The following SLC38A6 variants were observed in gnomAD, a reference collection of about 807,000 sequenced individuals.
The protein encoded by SLC38A6 is solute carrier family 38 member 6.
In SLC38A6, 73 loss-of-function variants were observed where a neutral mutation model predicts 65.0. That is an observed-to-expected ratio of 1.12 (90% CI 0.93 to 1.37). SLC38A6 has a LOEUF of 1.37. Among genes scored for constraint, SLC38A6 ranks in the 40% most tolerant of loss-of-function variants. The pLI is 0.00. For missense variants in SLC38A6, 561 were observed against 531.1 expected (o/e 1.06, Z -0.55); for synonymous variants, 183 against 178.8 (o/e 1.02, Z -0.19).
intron 5 of SLC38A6, among the ~76,000 whole-genome samples, chr14:61,024,794 C>G (rs2040522161): frequency 6.6e-6 from 1 of 152,184 alleles, no homozygotes; most frequent in Admixed American, 6.5e-5. Flanking sequence ...TTAACTCTTA[C>G]AAGCACATGA....
At chr14:61,012,572 T>C (rs139169242) in intron 3 of SLC38A6, among the ~76,000 whole-genome samples, 6,671 of 152,306 alleles carry the variant, frequency 0.044, 224 homozygotes, top group African/African-American at 0.091. Context: ...CCAGAGATTC[T>C]GGTATGTTGT....
At chr14:61,039,611 T>A (rs2041654186) in intron 8 of SLC38A6, among the ~76,000 whole-genome samples, 1 of 150,966 alleles carries the variant, frequency 6.6e-6, no homozygotes, top group Non-Finnish European at 1.5e-5. Flanking sequence ...CCTCAAGTGA[T>A]CCACCCACCT....
chr14:61,063,823 C>A (rs1310141759), intron 15 of SLC38A6, among the ~76,000 whole-genome samples: 1 of 152,150 alleles, frequency 6.6e-6, no homozygotes, highest in East Asian at 1.9e-4. Context: ...CTATAAGCCT[C>A]CATGTTCACA....
chr14:60,995,164 A>C (rs745860713), intron 3 of SLC38A6, among the ~76,000 whole-genome samples: 2 of 152,236 alleles, frequency 1.3e-5, no homozygotes, highest in Non-Finnish European at 2.9e-5. Context: ...TACCTTGTAG[A>C]GATATCTATG....
At chr14:61,045,903 G>T (rs2042116246) in intron 11 of SLC38A6, among the ~76,000 whole-genome samples, 164 bp from the exon 12 acceptor site, 1 of 151,622 alleles carries the variant, frequency 6.6e-6, no homozygotes, top group African/African-American at 2.4e-5. Context: ...AAAAAAGGAA[G>T]AAGTGTAATC....
chr14:61,003,532 C>T (rs1019996758), intron 3 of SLC38A6, among the ~76,000 whole-genome samples: 1 of 152,134 alleles, frequency 6.6e-6, no homozygotes, highest in African/African-American at 2.4e-5. Context: ...TTTAAAGGTT[C>T]ATTGTTCAAA....
intron 15 of SLC38A6, among the ~76,000 whole-genome samples, chr14:61,067,086 C>T (rs2043045276): frequency 6.6e-6 from 1 of 152,110 alleles, no homozygotes; most frequent in Admixed American, 6.6e-5. Flanking sequence ...AAAAATTATA[C>T]ATGTATTTTT....
chr14:61,070,675 A>G (rs765426772), intron 15 of SLC38A6, among the ~76,000 whole-genome samples: 1 of 152,198 alleles, frequency 6.6e-6, no homozygotes, highest in African/African-American at 2.4e-5. Context: ...TGTTTCTATC[A>G]GCAGTGCACG....
At chr14:61,014,314 T>C (rs1219093435) in intron 3 of SLC38A6, among the ~76,000 whole-genome samples, 1 of 152,202 alleles carries the variant, frequency 6.6e-6, no homozygotes, top group Non-Finnish European at 1.5e-5. Flanking sequence ...TTTAACTTCT[T>C]TGCCATGGGT....
At chr14:61,027,971 A>G (rs1391179129) in intron 5 of SLC38A6, among the ~76,000 whole-genome samples, 1 of 151,820 alleles carries the variant, frequency 6.6e-6, no homozygotes, top group Non-Finnish European at 1.5e-5. Context: ...GTCTTCTTTG[A>G]GAGAGAAACA....
At chr14:61,041,217 C>G (rs748671270) in intron 8 of SLC38A6, among the ~76,000 whole-genome samples, 23 of 152,292 alleles carry the variant, frequency 1.5e-4, no homozygotes, top group Non-Finnish European at 2.9e-5. Context: ...GCAAGGACTT[C>G]CTGTTAATCT....
chr14:61,017,689 G>A (rs2040102492), intron 4 of SLC38A6, among the ~76,000 whole-genome samples: 1 of 152,182 alleles, frequency 6.6e-6, no homozygotes, highest in Admixed American at 6.5e-5. Flanking sequence ...TAGCAGCAAA[G>A]TTTAAAGAGT....
chr14:61,053,758 T>C (rs1318129123), downstream of SLC38A6, among the ~76,000 whole-genome samples: 1 of 152,190 alleles, frequency 6.6e-6, no homozygotes, highest in Admixed American at 6.5e-5. Context: ...GTAAATTTGT[T>C]CAAGTTCCTC....
chr14:61,024,140 C>A (rs1263290992), intron 5 of SLC38A6, among the ~76,000 whole-genome samples: 3 of 152,124 alleles, frequency 2.0e-5, no homozygotes, highest in Non-Finnish European at 4.4e-5. Context: ...CAAGATTAAT[C>A]AGGCACCAAG....
chr14:60,989,012 T>C (rs1052983386), intron 3 of SLC38A6, among the ~76,000 whole-genome samples: 3 of 152,232 alleles, frequency 2.0e-5, no homozygotes, highest in African/African-American at 7.2e-5. Context: ...TCATCTGCTA[T>C]CTAGGAGATT....
intron 3 of SLC38A6, among the ~76,000 whole-genome samples, chr14:61,015,002 A>C (rs1034425903): frequency 4.6e-5 from 7 of 152,220 alleles, no homozygotes; most frequent in African/African-American, 1.7e-4. Flanking sequence ...AGAGGCACGC[A>C]GGGCTCCTTG....
intron 16 of SLC38A6, among the ~76,000 whole-genome samples, chr14:61,080,750 C>T (rs746583733): frequency 1.6e-4 from 25 of 152,204 alleles, no homozygotes; most frequent in African/African-American, 5.5e-4. Flanking sequence ...AGCTGCTGCA[C>T]CGGGCCCTGG....
At chr14:61,013,886 A>G (rs1174872814) in intron 3 of SLC38A6, among the ~76,000 whole-genome samples, 2 of 152,078 alleles carry the variant, frequency 1.3e-5, no homozygotes, top group Non-Finnish European at 2.9e-5. Context: ...CTCGTGGAGT[A>G]TGTTAGTGGC....
intron 3 of SLC38A6, among the ~76,000 whole-genome samples, chr14:61,015,627 G>A (rs1232502095): frequency 1.3e-5 from 2 of 152,132 alleles, no homozygotes; most frequent in Non-Finnish European, 2.9e-5. Context: ...GAAAATCATA[G>A]GTATTGTGGC....
Sources: gnomAD v4.1 joint callset for allele counts (sites outside exome capture counted in the v4.1 genomes callset) on GRCh38, gnomAD v4.1.1 for gene constraint, MANE v1.5 for transcripts, NCBI Gene and HGNC (gene_info 2026-07-23, HGNC 2026-07-21) for gene names.